GRIN3A: variants seen among roughly 807,000 people sequenced by gnomAD.
The protein encoded by GRIN3A is glutamate ionotropic receptor NMDA type subunit 3A.
GRIN3A carries 47 observed loss-of-function variants against 92.4 expected under a neutral mutation model. The observed-to-expected ratio is 0.51, with a 90% CI of 0.40 to 0.65. GRIN3A has a LOEUF of 0.65. Ranked by LOEUF, GRIN3A falls within the 30% of genes least tolerant of loss-of-function variation. The pLI is 0.00. For synonymous variants in GRIN3A, 527 were observed against 540.6 expected (o/e 0.97, Z 0.35); for missense variants, 1,324 against 1,393.1 (o/e 0.95, Z 0.79).
chr9:101,661,429 C>A (rs952961759), intron 3 of GRIN3A, among the ~76,000 whole-genome samples: 1 of 151,780 alleles, frequency 6.6e-6, no homozygotes, highest in Non-Finnish European at 1.5e-5. Flanking sequence ...TCCTTCCAGT[C>A]ATGTCCCTTT....
At chr9:101,656,597 A>C (rs1344919995) in intron 3 of GRIN3A, among the ~76,000 whole-genome samples, 1 of 151,862 alleles carries the variant, frequency 6.6e-6, no homozygotes, top group Non-Finnish European at 1.5e-5. Context: ...ATCTTGTTAA[A>C]ATGCAGATTC....
intron 6 of GRIN3A, among the ~76,000 whole-genome samples, chr9:101,606,778 C>G: frequency 6.6e-6 from 1 of 152,086 alleles, no homozygotes; most frequent in East Asian, 1.9e-4. Context: ...TTTAGTAATC[C>G]CTTGAAGAAT....
intron 5 of GRIN3A, among the ~76,000 whole-genome samples, chr9:101,620,190 G>A (rs1311909100): frequency 6.6e-6 from 1 of 152,176 alleles, no homozygotes; most frequent in East Asian, 1.9e-4. Context: ...TATAGGTCTG[G>A]AGGCTGGGAA....
intron 1 of GRIN3A, among the ~76,000 whole-genome samples, chr9:101,703,449 C>A (rs1030848081): frequency 6.6e-6 from 1 of 152,190 alleles, no homozygotes; most frequent in Non-Finnish European, 1.5e-5. Flanking sequence ...ACAGCACCAC[C>A]CACCATCAAA....
chr9:101,617,559 C>A (rs1475472083), intron 5 of GRIN3A, among the ~76,000 whole-genome samples: 1 of 151,616 alleles, frequency 6.6e-6, no homozygotes, highest in Non-Finnish European at 1.5e-5. Context: ...GATTACTATC[C>A]CTTTAAAATT....
intron 5 of GRIN3A, among the ~76,000 whole-genome samples, chr9:101,617,468 A>G (rs1275066511): frequency 1.3e-5 from 2 of 152,158 alleles, no homozygotes; most frequent in African/African-American, 4.8e-5. Context: ...AGACATTTAT[A>G]AAAAATGTTA....
intron 1 of GRIN3A, among the ~76,000 whole-genome samples, chr9:101,695,531 T>C (rs1024420110): frequency 6.6e-6 from 1 of 152,062 alleles, no homozygotes; most frequent in African/African-American, 2.4e-5. Flanking sequence ...CCCTGGTTAC[T>C]AGAGCAAGAC....
chr9:101,684,098 C>CTTTCT (rs1829499349), intron 2 of GRIN3A, among the ~76,000 whole-genome samples: 3 of 132,644 alleles, frequency 2.3e-5, no homozygotes, highest in African/African-American at 8.2e-5. Context: ...CTGTCTTTTT[C>CTTTCT]TTTCTTTCTT....
Position 101,577,183 on chromosome 9 carries a change from G to A in GRIN3A, c.3008+585C>T, listed in dbSNP as rs1827836574. Among the ~76,000 whole-genome samples, 3 of 152,262 alleles carry A rather than the reference G, an allele frequency of 2.0e-5. No homozygotes were observed. In the South Asian group the frequency reaches 6.2e-4, roughly 32 times the overall value. On this transcript the variant is annotated intron_variant, in intron 8 of 8. Transcript: ENST00000361820. ...TAGGGAGTTTGTAGAAAAGTGCCAG[G>A]AAATGAATTAGGCATGACATGTCTG... is the stretch of plus-strand genomic sequence containing the variant.
intron 2 of GRIN3A, among the ~76,000 whole-genome samples, 153 bp downstream of exon 2, chr9:101,686,443 A>G (rs1327645773): frequency 6.6e-6 from 1 of 152,214 alleles, no homozygotes; most frequent in Non-Finnish European, 1.5e-5. Context: ...AGATCATGAA[A>G]TACTAGCCTA....
At chr9:101,650,582 AC>A (rs1829000895) in intron 3 of GRIN3A, among the ~76,000 whole-genome samples, 1 of 151,892 alleles carries the variant, frequency 6.6e-6, no homozygotes, top group African/African-American at 2.4e-5. Flanking sequence ...GGTCAACCAA[AC>A]CTGGCAAAAC....
At chr9:101,646,598 T>C (rs1245074201) in intron 3 of GRIN3A, among the ~76,000 whole-genome samples, 1 of 142,418 alleles carries the variant, frequency 7.0e-6, no homozygotes, top group Non-Finnish European at 1.5e-5. Context: ...AATTTGTAGA[T>C]CACTTTGGGT....
chr9:101,724,052 C>T (rs1830050066), intron 1 of GRIN3A, among the ~76,000 whole-genome samples: 1 of 152,230 alleles, frequency 6.6e-6, no homozygotes, highest in Admixed American at 6.5e-5. Flanking sequence ...GCTGGCTTCA[C>T]CCAGTGGATC....
At chr9:101,722,844 ACTTGT>A (rs1027987966) in intron 1 of GRIN3A, among the ~76,000 whole-genome samples, 5 of 152,156 alleles carry the variant, frequency 3.3e-5, no homozygotes, top group Admixed American at 6.5e-5. Flanking sequence ...GGCAGAAGGG[ACTTGT>A]CTTGTCTCAG....
intron 2 of GRIN3A, among the ~76,000 whole-genome samples, chr9:101,673,001 C>G (rs981101429): frequency 6.6e-6 from 1 of 152,096 alleles, no homozygotes; most frequent in Admixed American, 6.6e-5. Context: ...TGTTAAAACA[C>G]ACACATATAC....
At chr9:101,707,518 C>G (rs975425159) in intron 1 of GRIN3A, among the ~76,000 whole-genome samples, 2 of 152,116 alleles carry the variant, frequency 1.3e-5, no homozygotes, top group Non-Finnish European at 2.9e-5. Context: ...TCCAGATTGG[C>G]AGCTTCTGAG....
At position 101,594,782 on chromosome 9, in the gene GRIN3A, G is replaced by C. The variant is rs1828092311; in HGVS notation, c.2767-15422C>G. The C allele has an allele frequency of 1.9e-6, 3 of 1,613,754 alleles. No individual in the cohort carries two copies. In the African/African-American group the frequency reaches 4.0e-5, roughly 22 times the overall value. ...CACCAACGGGTTGTGGCGCAGCTCC[G>C]GCAGGGACATGAACTCCTCCACGCT... On this transcript the variant is annotated intron_variant, in intron 6 of 8. Transcript: ENST00000361820.
Position 101,572,947 on chromosome 9 carries a change from C to T in GRIN3A, c.*227G>A, listed in dbSNP as rs1209064562. 1 of 559,698 alleles carries T rather than the reference C, an allele frequency of 1.8e-6. No homozygotes were observed. Among genetic ancestry groups the T allele is most frequent in the Non-Finnish European group, 3.2e-6 (1 of 311,196 alleles). The allele number at this position is 559,698 out of a possible 1,614,324, so 34.7% of individuals were successfully genotyped here. The stretch of plus-strand genomic sequence containing the variant: ...CAGATCTCTCGCACAGAGCTTACTC[C>T]TGACTAAGATTCTTGCTAGAAAAAC... On this transcript the variant is annotated 3_prime_UTR_variant, in exon 9 of 9. Transcript: ENST00000361820.
intron 6 of GRIN3A, chr9:101,593,588 G>A (rs371012746): frequency 6.6e-6 from 1 of 152,252 alleles, no homozygotes; most frequent in South Asian, 2.1e-4. Flanking sequence ...CAGTGTCGGA[G>A]GTGAGAGCAC....
Sources: gnomAD v4.1 joint callset for allele counts (sites outside exome capture counted in the v4.1 genomes callset) on GRCh38, gnomAD v4.1.1 for gene constraint, MANE v1.5 for transcripts, NCBI Gene and HGNC (gene_info 2026-07-23, HGNC 2026-07-21) for gene names.